GVQW3: variants seen among roughly 807,000 people sequenced by gnomAD.
The protein encoded by GVQW3 is protein GVQW3.
In GVQW3, 7 loss-of-function variants were observed where a neutral mutation model predicts 12.5. That is an observed-to-expected ratio of 0.56 (90% CI 0.32 to 1.05). The LOEUF (loss-of-function observed/expected upper bound fraction) is 1.05. GVQW3 is among the 50% of genes least tolerant of loss of function. The pLI is 0.04. For synonymous variants in GVQW3, 71 were observed against 67.2 expected, an observed-to-expected ratio of 1.06 and a Z score of -0.28; for missense variants, 188 against 190.8, an observed-to-expected ratio of 0.99 and a Z score of 0.09.
chr11:76,405,596 T>C lies in GVQW3; in HGVS notation c.*1838T>C. The C allele has an allele frequency of 6.6e-6, 1 of 152,448 alleles. No individual in the cohort carries two copies. The highest frequency in any genetic ancestry group is 1.5e-5 in the Non-Finnish European group (1 of 68,200). The allele number at this position is 152,448 out of a possible 1,614,324, so 9.4% of individuals were successfully genotyped here. A position where few individuals can be genotyped will look rare whatever the true frequency, so the allele number is the denominator to read the frequency against. On this transcript the variant is annotated 3_prime_UTR_variant, in exon 2 of 2. Transcript: ENST00000529331. ...TCCATTGCCATGCTATGTTCCACCC[T>C]CCCCTTCAACTGCCCCTCTAAAGTC...
chr11:76,399,404 A>C (rs746400457), intron 1 of GVQW3, among the ~76,000 whole-genome samples: 1 of 151,964 alleles, frequency 6.6e-6, no homozygotes, highest in African/African-American at 2.4e-5. Flanking sequence ...GGCCTCCCAA[A>C]GTGCTGGGAT....
chr11:76,390,826 T>C (rs1188117710), intron 1 of GVQW3, among the ~76,000 whole-genome samples: 7 of 142,602 alleles, frequency 4.9e-5, no homozygotes, highest in African/African-American at 1.8e-4. Context: ...GACTCCGTCT[T>C]AAAAAAAAAA....
chr11:76,393,294 G>GGGCA (rs1451941406), intron 1 of GVQW3, among the ~76,000 whole-genome samples: 1 of 152,170 alleles, frequency 6.6e-6, no homozygotes, highest in Admixed American at 6.5e-5. Flanking sequence ...CCTTAGGGAT[G>GGGCA]GGCAGTATCT....
chr11:76,381,971 A>G lies in GVQW3; in HGVS notation c.143A>G (p.Lys48Arg), dbSNP rs759778721. 25 of 1,536,384 alleles carry G rather than the reference A, an allele frequency of 1.6e-5. No homozygotes were observed. The highest frequency in any genetic ancestry group is 1.7e-4 in the Middle Eastern group (1 of 5,990). ...AGGGCCAGAGTTTTTGACTGGCACAAAAGGTTTAAAGAAGGACGGGAAGAT... is the reference window on the plus strand; with the variant it reads ...AGGGCCAGAGTTTTTGACTGGCACAGAAGGTTTAAAGAAGGACGGGAAGAT... The part of the protein sequence containing the change: ...MSRARVFDWH[K>R]RFKEGREDVR... Residue 48 changes from lysine to arginine, a missense_variant, in exon 1 of 2, where the codon AAA becomes AGA. Lys to Arg is a conservative substitution (Grantham distance 26, BLOSUM62 2). Transcript: ENST00000529331.
chr11:76,398,501 C>T (rs1369690484), intron 1 of GVQW3, among the ~76,000 whole-genome samples: 22 of 151,956 alleles, frequency 1.4e-4, no homozygotes, highest in South Asian at 1.2e-3. Context: ...TTAGTAGAGA[C>T]GGGGTTTTAC....
chr11:76,398,502 G>A lies in GVQW3; in HGVS notation c.466-5158G>A, dbSNP rs1449369104. The stretch of plus-strand genomic sequence containing the variant: ...AATTTTTTGTATTTTTAGTAGAGAC[G>A]GGGTTTTACCATGTTGCCCAGGGTG... On this transcript the variant is annotated intron_variant, in intron 1 of 1. Coordinates refer to ENST00000529331, the MANE Select transcript of GVQW3 (RefSeq NM_001347885.2). Among the ~76,000 whole-genome samples, 6 of 151,838 alleles carry A rather than the reference G, an allele frequency of 4.0e-5. No homozygotes were observed. The South Asian group carries it at 8.3e-4, about 21-fold the overall frequency.
downstream of GVQW3, chr11:76,414,622 A>T (rs1947103310): frequency 3.6e-5 from 1 of 27,562 alleles, no homozygotes; most frequent in Admixed American, 7.7e-4. Flanking sequence ...GTCCCCACAA[A>T]AAAAAAAAAA....
At chr11:76,399,127 T>TGTATTGTATTGTATTG (rs1296706412) in intron 1 of GVQW3, among the ~76,000 whole-genome samples, 25 of 151,074 alleles carry the variant, frequency 1.7e-4, no homozygotes, top group African/African-American at 5.9e-4. Flanking sequence ...TTTATTTTAT[T>TGTATTGTATTGTATTG]TCATTTTATT....
exon 2 of GVQW3, chr11:76,413,372 T>A (rs752419231): frequency 6.6e-6 from 1 of 152,184 alleles, no homozygotes; most frequent in Non-Finnish European, 1.5e-5. Flanking sequence ...ACTGGCATCA[T>A]GTGGCAGAGG....
rs1047609225 is a variant in GVQW3 at position 76,407,874 on chromosome 11, A to C, written c.*4116A>C. The C allele has an allele frequency of 6.6e-6, 1 of 152,142 alleles. No homozygotes were observed. The highest frequency in any genetic ancestry group is 2.1e-4 in the South Asian group (1 of 4,836). 9.4% of individuals were successfully genotyped at this position (152,142 alleles called of 1,614,324 possible). The stretch of plus-strand genomic sequence containing the variant: ...AATGATGTTTGAAGATGTTCACAAT[A>C]AGATAGGTGATAAAACAGACTATAA... On this transcript the variant is annotated 3_prime_UTR_variant, in exon 2 of 2. Transcript: ENST00000529331.
Position 76,381,994 on chromosome 11 carries a change from G to C in GVQW3, c.166G>C (p.Asp56His), listed in dbSNP as rs1188174607. ...WHKRFKEGRE[D>H]VRDDARSGRP... ...CAAAAGGTTTAAAGAAGGACGGGAA[G>C]ATGTTCGAGATGATGCCCGAAGTGG... Residue 56 changes from aspartate to histidine, a missense_variant, in exon 1 of 2, where the codon GAT becomes CAT. Coordinates refer to ENST00000529331, the MANE Select transcript of GVQW3 (RefSeq NM_001347885.2). 3.3e-6 allele frequency: 5 copies of C among 1,536,424 alleles called. No homozygotes were observed. In the South Asian group the frequency reaches 5.9e-5, roughly 18 times the overall value.
intron 1 of GVQW3, among the ~76,000 whole-genome samples, chr11:76,400,041 A>G (rs1946974484): frequency 6.6e-6 from 1 of 151,142 alleles, no homozygotes; most frequent in South Asian, 2.1e-4. Context: ...ACACACACAC[A>G]CACACACACG....
intron 1 of GVQW3, among the ~76,000 whole-genome samples, chr11:76,386,412 C>T (rs1469176887): frequency 1.3e-5 from 2 of 152,188 alleles, no homozygotes; most frequent in East Asian, 1.9e-4. Flanking sequence ...TACCTGGGGC[C>T]TCCTTCCCAG....
At position 76,403,800 on chromosome 11, in the gene GVQW3, T is replaced by C; in HGVS notation, c.*42T>C. ...AAAACCAGGAGTTCAATGGTGTAAA[T>C]TCCAGTCTGAGTCCACAGGCCGAAG... On this transcript the variant is annotated 3_prime_UTR_variant, in exon 2 of 2. Coordinates refer to ENST00000529331, the MANE Select transcript of GVQW3 (RefSeq NM_001347885.2). The C allele has an allele frequency of 1.6e-6, 1 of 622,082 alleles. No individual in the cohort carries two copies. Among genetic ancestry groups the C allele is most frequent in the Non-Finnish European group, 3.0e-6 (1 of 337,074 alleles). 38.5% of individuals were successfully genotyped at this position (622,082 alleles called of 1,614,324 possible). A position where few individuals can be genotyped will look rare whatever the true frequency, so the allele number is the denominator to read the frequency against.
At chr11:76,384,483 C>T (rs1000175259) in intron 1 of GVQW3, among the ~76,000 whole-genome samples, 4 of 152,128 alleles carry the variant, frequency 2.6e-5, no homozygotes, top group African/African-American at 7.2e-5. Flanking sequence ...CTGCTACACC[C>T]GGCTATTTTT....
chr11:76,393,215 A>G (rs1946909329), intron 1 of GVQW3, among the ~76,000 whole-genome samples: 1 of 152,102 alleles, frequency 6.6e-6, no homozygotes. Flanking sequence ...GTATAAGGGG[A>G]TACAATTAGG....
intron 1 of GVQW3, among the ~76,000 whole-genome samples, chr11:76,389,364 A>G (rs1946868847): frequency 6.6e-6 from 1 of 152,222 alleles, no homozygotes; most frequent in African/African-American, 2.4e-5. Context: ...AATAGCATCT[A>G]GAGCTGGCAG....
chr11:76,382,012 C>T lies in GVQW3; in HGVS notation c.184C>T (p.Arg62Ter), dbSNP rs1377547033. The change falls in exon 1 of 2, where the codon CGA becomes TGA. Residue 62 changes from arginine to a stop codon, truncating the protein, a stop_gained. Transcript: ENST00000529331. LOFTEE classifies it high-confidence loss of function. ...EGREDVRDDA[R>*]SGRPVTHRTD... ...ACGGGAAGATGTTCGAGATGATGCC[C>T]GAAGTGGGCGTCCAGTCACCCACCG... 6.5e-7 allele frequency: 1 copy of T among 1,536,406 alleles called. No homozygotes were observed. The highest frequency in any genetic ancestry group is 8.7e-7 in the Non-Finnish European group (1 of 1,146,976).
intron 1 of GVQW3, among the ~76,000 whole-genome samples, chr11:76,400,019 A>ACACACG (rs929837778): frequency 6.7e-6 from 1 of 149,100 alleles, no homozygotes; most frequent in African/African-American, 2.5e-5. Context: ...ACACACACAC[A>ACACACG]CACACACACA....
Sources: gnomAD v4.1 joint callset for allele counts (sites outside exome capture counted in the v4.1 genomes callset) on GRCh38, gnomAD v4.1.1 for gene constraint, MANE v1.5 for transcripts, NCBI Gene and HGNC (gene_info 2026-07-23, HGNC 2026-07-21) for gene names.